The following DNAJB5 variants were observed in gnomAD, a reference collection of about 807,000 sequenced individuals.
The protein encoded by DNAJB5 is DnaJ heat shock protein family (Hsp40) member B5, also known as dnaJ homolog subfamily B member 5.
DNAJB5 carries 12 observed loss-of-function variants against 32.6 expected under a neutral mutation model. The observed-to-expected ratio is 0.37, with a 90% CI of 0.24 to 0.60. The LOEUF is 0.60. Among genes scored for constraint, DNAJB5 ranks in the 20% least tolerant of loss-of-function variants. The pLI is 0.71. For missense variants in DNAJB5, 358 were observed against 554.2 expected (o/e 0.65, Z 3.55); for synonymous variants, 188 against 212.9 (o/e 0.88, Z 1.02).
rs767262582 is a variant in DNAJB5, at chr9:34,993,488, G to A, written c.427+44G>A. On this transcript the variant is annotated intron_variant, in intron 3 of 4. Transcript: ENST00000682809. The surrounding 1 kb of genome is among the most constrained non-coding windows in gnomAD (Gnocchi z 4.7). The stretch of plus-strand genomic sequence containing the variant: ...AGCCCAATCCCGGACCCCTCCGCTT[G>A]GTAGGGGTCCCAGGTGCACCAGTTT... 1.3e-6 allele frequency: 2 copies of A among 1,578,848 alleles called. No homozygotes were observed. The highest frequency in any genetic ancestry group is 2.7e-5 in the African/African-American group (2 of 72,754).
chr9:34,990,984 T>C lies in DNAJB5; in HGVS notation c.182+172T>C, dbSNP rs1190108859. On this transcript the variant is annotated intron_variant, in intron 2 of 4. Transcript: ENST00000682809. The surrounding 1 kb of genome is among the most constrained non-coding windows in gnomAD (Gnocchi z 4.5). The stretch of plus-strand genomic sequence containing the variant: ...TTTGAATGAATTGCACCCCTTATCA[T>C]TCCTTTTCTCAAACCCTTCAGGTAT... The C allele has an allele frequency of 3.0e-6, 2 of 655,946 alleles. No homozygotes were observed. The highest frequency in any genetic ancestry group is 5.1e-6 in the Non-Finnish European group (2 of 389,360). The allele number at this position is 655,946 out of a possible 1,614,324, so 40.6% of individuals were successfully genotyped here.
Position 34,996,149 on chromosome 9 carries a change from A to C in DNAJB5, c.428-116A>C. The C allele has an allele frequency of 7.2e-7, 1 of 1,380,890 alleles. No homozygotes were observed. The allele number at this position is 1,380,890 out of a possible 1,614,324, so 85.5% of individuals were successfully genotyped here. ...CTATTAGCCTGGCCCTCTCTGTGGG[A>C]TTTAAAGGTTGCTTCTTTCTTTAAG... is the stretch of plus-strand genomic sequence containing the variant. On this transcript the variant is annotated intron_variant, in intron 3 of 4. Transcript: ENST00000682809. The surrounding 1 kb of genome is among the most constrained non-coding windows in gnomAD (Gnocchi z 7.2).
In DNAJB5 at chr9:34,990,295, G is replaced by C. The variant is rs1827587195; in HGVS notation, c.-132-204G>C. 4 of 1,415,528 alleles carry C rather than the reference G, an allele frequency of 2.8e-6. No individual in the cohort carries two copies. The highest frequency in any genetic ancestry group is 1.2e-5 in the South Asian group (1 of 80,338). 87.7% of individuals were successfully genotyped at this position (1,415,528 alleles called of 1,614,324 possible). A position where few individuals can be genotyped will look rare whatever the true frequency, so the allele number is the denominator to read the frequency against. ...ATTGGGGTCGGGTCCTCCCCAGTGA[G>C]AGGCGACAGGAGCTCACTGCCTCTC... is the stretch of plus-strand genomic sequence containing the variant. On this transcript the variant is annotated intron_variant, in intron 1 of 4. Transcript: ENST00000682809. The surrounding 1 kb of genome is among the most constrained non-coding windows in gnomAD (Gnocchi z 4.5).
Position 34,990,789 on chromosome 9 carries a change from G to T in DNAJB5, c.159G>T (p.Thr53=). The T allele has an allele frequency of 6.4e-7, 1 of 1,551,418 alleles. No individual in the cohort carries two copies. Among genetic ancestry groups the T allele is most frequent in the Non-Finnish European group, 8.7e-7 (1 of 1,146,890 alleles). ...AGCCCTTAAAACTTCGAGCGTGGAC[G>T]CTGAATGGGTTTGTAAAGTTTCGGT... ...QLEPLKLRAW[T]LNGFVKFRNK... is the part of the protein sequence containing the mutation. Residue 53 remains threonine, a synonymous_variant, in exon 2 of 5, where the codon ACG becomes ACT. Transcript: ENST00000682809. The surrounding 1 kb of genome is among the most constrained non-coding windows in gnomAD (Gnocchi z 4.5).
chr9:34,992,746 C>T, intron 2 of DNAJB5: 1 of 994,506 alleles, frequency 1.0e-6, no homozygotes, highest in East Asian at 1.0e-4. Context: ...GGGCCACTGC[C>T]CCAGCTGCCC....
rs1827794318 is a variant in DNAJB5 at position 34,996,362 on chromosome 9, T to C, written c.525T>C (p.Gly175=). The C allele has an allele frequency of 6.2e-7, 1 of 1,614,044 alleles. No individual in the cohort carries two copies. The highest frequency in any genetic ancestry group is 8.5e-7 in the Non-Finnish European group (1 of 1,180,032). The part of the protein sequence containing the change: ...DPHATFASFF[G]GSNPFDIFFA... ...ATGCCACCTTTGCCTCCTTCTTTGG[T>C]GGCTCCAACCCCTTCGATATCTTCT... is the stretch of plus-strand genomic sequence containing the variant. The change falls in exon 4 of 5, where the codon GGT becomes GGC. Residue 175 remains glycine (G), a synonymous_variant. Coordinates refer to ENST00000682809, the MANE Select transcript of DNAJB5 (RefSeq NM_001349723.3). This position sits in a 1 kb window ranked among gnomAD's most constrained non-coding sequence, Gnocchi z 7.2.
At chr9:34,991,724 A>C (rs1281973506) in intron 2 of DNAJB5, 5 of 184,010 alleles carry the variant, frequency 2.7e-5, no homozygotes, top group African/African-American at 6.0e-5. Context: ...CCCACCCCCC[A>C]CCCCATCTCC....
In DNAJB5 at chr9:34,990,548, G is replaced by C. The variant is rs1827596820; in HGVS notation, c.-83G>C. The stretch of plus-strand genomic sequence containing the variant: ...GGCCTTGCTGGGCACGCGCCTCTGA[G>C]AGTCCAAGGAGGTGGCTTCCAGAGC... On this transcript the variant is annotated 5_prime_UTR_variant, in exon 2 of 5. Coordinates refer to ENST00000682809, the MANE Select transcript of DNAJB5 (RefSeq NM_001349723.3). This position sits in a 1 kb window ranked among gnomAD's most constrained non-coding sequence, Gnocchi z 4.5. 1.3e-6 allele frequency: 2 copies of C among 1,548,874 alleles called. No homozygotes were observed. Among genetic ancestry groups the C allele is most frequent in the African/African-American group, 1.4e-5 (1 of 73,042 alleles).
chr9:34,996,676 A>G lies in DNAJB5; in HGVS notation c.839A>G (p.Asp280Gly). Residue 280 changes from aspartate (D) to glycine (G), a missense_variant, in exon 4 of 5, where the codon GAC becomes GGC. Physicochemically the swap from Asp to Gly is moderately conservative, Grantham distance 94. Around this residue, in one of 2 missense-constraint regions of DNAJB5, gnomAD observed 248 missense variants for 442.6 expected, o/e 0.56. Coordinates refer to ENST00000682809, the MANE Select transcript of DNAJB5 (RefSeq NM_001349723.3). The surrounding 1 kb of genome is among the most constrained non-coding windows in gnomAD (Gnocchi z 7.2). ...NPDGRTVRTE[D>G]KILHIVIKRG... is the part of the protein sequence containing the mutation. ...GATGGGCGAACTGTGCGCACCGAGG[A>G]CAAGATCCTGCACATAGTCATCAAG... The G allele has an allele frequency of 6.2e-7, 1 of 1,614,160 alleles. No individual in the cohort carries two copies. The highest frequency in any genetic ancestry group is 8.5e-7 in the Non-Finnish European group (1 of 1,180,030).
rs1827724955 is a variant in DNAJB5 at position 34,993,959 on chromosome 9, G to C, written c.427+515G>C. Among the ~76,000 whole-genome samples the C allele has an allele frequency of 1.3e-5, 2 of 152,212 alleles. No homozygotes were observed. The highest frequency in any genetic ancestry group is 1.5e-5 in the Non-Finnish European group (1 of 68,030). Reference sequence around the variant, plus strand: ...AACAGAGGTGGAGCTTTGCCTCCCAGAGGAAGTGGCAGGGATCCAAGGGTG... The same window carrying C: ...AACAGAGGTGGAGCTTTGCCTCCCACAGGAAGTGGCAGGGATCCAAGGGTG... On this transcript the variant is annotated intron_variant, in intron 3 of 4. Coordinates refer to ENST00000682809, the MANE Select transcript of DNAJB5 (RefSeq NM_001349723.3). The surrounding 1 kb of genome is among the most constrained non-coding windows in gnomAD (Gnocchi z 4.7).
intron 2 of DNAJB5, chr9:34,991,049 C>T: frequency 5.3e-6 from 3 of 569,718 alleles, no homozygotes; most frequent in Non-Finnish European, 9.4e-6. Context: ...TTCAACTCTC[C>T]ACATTCCTCC....
intron 3 of DNAJB5, among the ~76,000 whole-genome samples, chr9:34,994,259 T>C (rs1346144706): frequency 6.6e-6 from 1 of 152,208 alleles, no homozygotes; most frequent in African/African-American, 2.4e-5. Flanking sequence ...AGAATCCACC[T>C]TTCTTTCACA....
chr9:34,991,233 C>T (rs1827619992), intron 2 of DNAJB5: 1 of 448,962 alleles, frequency 2.2e-6, no homozygotes, highest in Non-Finnish European at 4.5e-6. Context: ...ACATCCTCCT[C>T]ATTCTTCTCC....
rs142960974 is a variant in DNAJB5, at chr9:34,990,618, G to C, written c.-13G>C. ...TCCGGTGGAGCGATCAGAGGTGAGG[G>C]GCTTGGCTGGGCATGTTTAAGCGCA... On this transcript the variant is annotated 5_prime_UTR_variant, in exon 2 of 5. Coordinates refer to ENST00000682809, the MANE Select transcript of DNAJB5 (RefSeq NM_001349723.3). This position sits in a 1 kb window ranked among gnomAD's most constrained non-coding sequence, Gnocchi z 4.5. The C allele has an allele frequency of 1.8e-3, 2,795 of 1,551,438 alleles. 46 individuals are homozygous for C. The African/African-American group carries it at 0.034, about 19-fold the overall frequency.
At chr9:34,995,841 T>C (rs1326020499) in intron 3 of DNAJB5, among the ~76,000 whole-genome samples, 3 of 152,236 alleles carry the variant, frequency 2.0e-5, no homozygotes, top group Non-Finnish European at 2.9e-5. Flanking sequence ...ACATCCTGTC[T>C]GATGGCCCCT....
At chr9:34,991,620 C>CT (rs200754001) in intron 2 of DNAJB5, 2,491 of 212,498 alleles carry the variant, frequency 0.012, 69 homozygotes, top group Non-Finnish European at 0.017. Context: ...AGACCACCCC[C>CT]CCCCGCTCCC....
rs1162473661 is a variant in DNAJB5, at chr9:34,990,375, C to G, written c.-132-124C>G. ...ATACACGCTGCCACTCACAAACACACGCTTGCACTCCCAGCCTCACTGACA... is the reference window on the plus strand; with the variant it reads ...ATACACGCTGCCACTCACAAACACAGGCTTGCACTCCCAGCCTCACTGACA... On this transcript the variant is annotated intron_variant, in intron 1 of 4. Transcript: ENST00000682809. The surrounding 1 kb of genome is among the most constrained non-coding windows in gnomAD (Gnocchi z 4.5). 1 of 1,513,968 alleles carries G rather than the reference C, an allele frequency of 6.6e-7. No homozygotes were observed. Among genetic ancestry groups the G allele is most frequent in the African/African-American group, 1.4e-5 (1 of 72,572 alleles). The allele number at this position is 1,513,968 out of a possible 1,614,324, so 93.8% of individuals were successfully genotyped here.
chr9:34,997,020 TC>T lies in DNAJB5; in HGVS notation c.1030-3del. 1 of 1,611,898 alleles carries T rather than the reference TC, an allele frequency of 6.2e-7. No individual in the cohort carries two copies. The highest frequency in any genetic ancestry group is 8.5e-7 in the Non-Finnish European group (1 of 1,179,942). The stretch of plus-strand genomic sequence containing the variant: ...TTTTCCTCACTTTCTGCTTCGTCTT[TC>T]CCAGGCGCTGTGTGGCTGCACTGTG... On this transcript the variant is annotated splice_polypyrimidine_tract_variant and splice_region_variant and intron_variant, in intron 4 of 4. Coordinates refer to ENST00000682809, the MANE Select transcript of DNAJB5 (RefSeq NM_001349723.3). The surrounding 1 kb of genome is among the most constrained non-coding windows in gnomAD (Gnocchi z 4.1).
intron 3 of DNAJB5, among the ~76,000 whole-genome samples, chr9:34,995,085 A>G (rs1306953274): frequency 1.3e-5 from 2 of 152,068 alleles, no homozygotes; most frequent in African/African-American, 4.8e-5. Context: ...CCCTCGATAG[A>G]AGGAAAGGAG....
Sources: gnomAD v4.1 joint callset for allele counts (sites outside exome capture counted in the v4.1 genomes callset) on GRCh38, gnomAD v4.1.1 for gene constraint, gnomAD v4.1.1 regional missense constraint, Gnocchi (gnomAD v3.1) non-coding constraint, MANE v1.5 for transcripts, NCBI Gene and HGNC (gene_info 2026-07-23, HGNC 2026-07-21) for gene names.